MAGI2: variants seen among roughly 807,000 people sequenced by gnomAD.
MAGI2 encodes membrane associated guanylate kinase, WW and PDZ domain containing 2.
In MAGI2, 35 loss-of-function variants were observed where a neutral mutation model predicts 133.3. That is an observed-to-expected ratio of 0.26 (90% CI 0.20 to 0.35). MAGI2 has a LOEUF of 0.35. MAGI2 is among the 10% of genes least tolerant of loss of function. The probability of loss-of-function intolerance (pLI) is 1.00; values close to 1 mark genes in which losing one functional copy is unlikely to be tolerated. For missense variants in MAGI2, 1,636 were observed against 1,863.4 expected, an observed-to-expected ratio of 0.88 and a Z score of 2.25; for synonymous variants, 729 against 710.6, an observed-to-expected ratio of 1.03 and a Z score of -0.41.
chr7:79,316,341 A>G (rs1214424248), intron 1 of MAGI2, among the ~76,000 whole-genome samples: 1 of 152,206 alleles, frequency 6.6e-6, no homozygotes, highest in Non-Finnish European at 1.5e-5. Flanking sequence ...AATAGGAATA[A>G]CAACACCAGT....
intron 2 of MAGI2, among the ~76,000 whole-genome samples, chr7:78,638,975 T>A (rs1408354870): frequency 6.6e-6 from 1 of 152,166 alleles, no homozygotes; most frequent in Admixed American, 6.5e-5. Flanking sequence ...ATATTTAGTT[T>A]GAAGCTTTTA....
intron 21 of MAGI2, 44 bp downstream of exon 21, chr7:78,078,903 C>A (rs1389455624): frequency 6.2e-7 from 1 of 1,612,116 alleles, no homozygotes; most frequent in Non-Finnish European, 8.5e-7. Flanking sequence ...ATTTATGGTT[C>A]ACAGAAGGAA....
intron 20 of MAGI2, among the ~76,000 whole-genome samples, chr7:78,080,543 C>T (rs532670398): frequency 2.0e-5 from 3 of 152,186 alleles, no homozygotes; most frequent in Non-Finnish European, 4.4e-5. Context: ...AGCCCTCTCC[C>T]ACAACAGAAA....
At chr7:78,886,311 G>T (rs559023896) in intron 2 of MAGI2, among the ~76,000 whole-genome samples, 1 of 152,188 alleles carries the variant, frequency 6.6e-6, no homozygotes, top group Non-Finnish European at 1.5e-5. Flanking sequence ...TGTATTCATT[G>T]TCTCCTTTAA....
chr7:78,171,979 C>T (rs981379052), intron 14 of MAGI2, among the ~76,000 whole-genome samples: 1 of 152,134 alleles, frequency 6.6e-6, no homozygotes, highest in Admixed American at 6.5e-5. Context: ...AGAACTTCTC[C>T]ATGAACAACT....
intron 1 of MAGI2, among the ~76,000 whole-genome samples, chr7:79,311,910 G>A (rs1042289738): frequency 7.2e-5 from 11 of 151,980 alleles, no homozygotes; most frequent in Non-Finnish European, 1.2e-4. Context: ...TATCTGGTTC[G>A]TTAGCAAATC....
intron 1 of MAGI2, among the ~76,000 whole-genome samples, chr7:79,026,654 C>G (rs1205154618): frequency 6.6e-6 from 1 of 151,924 alleles, no homozygotes; most frequent in Non-Finnish European, 1.5e-5. Context: ...GAGCAGATTG[C>G]CTGAGCTCAG....
intron 2 of MAGI2, among the ~76,000 whole-genome samples, chr7:78,702,278 A>G (rs1818159716): frequency 6.6e-6 from 1 of 151,924 alleles, no homozygotes; most frequent in East Asian, 1.9e-4. Flanking sequence ...AGAGCAAGGT[A>G]TACATGCCAG....
intron 10 of MAGI2, among the ~76,000 whole-genome samples, chr7:78,206,444 A>G (rs1829753520): frequency 6.6e-6 from 1 of 152,038 alleles, no homozygotes; most frequent in Non-Finnish European, 1.5e-5. Context: ...GGTGTGTGCC[A>G]CCATGCCCAG....
chr7:79,154,821 G>T (rs1300766146), intron 1 of MAGI2, among the ~76,000 whole-genome samples: 1 of 152,126 alleles, frequency 6.6e-6, no homozygotes, highest in African/African-American at 2.4e-5. Context: ...ATGGTCTGCT[G>T]CTCTTTTACT....
chr7:78,467,023 A>G (rs141194626), intron 6 of MAGI2, among the ~76,000 whole-genome samples: 30 of 152,276 alleles, frequency 2.0e-4, no homozygotes, highest in Non-Finnish European at 2.9e-4. Context: ...GGTAGGCACT[A>G]TAAGTATTCA....
intron 6 of MAGI2, among the ~76,000 whole-genome samples, chr7:78,442,154 A>C (rs1405392967): frequency 6.6e-6 from 1 of 152,198 alleles, no homozygotes; most frequent in Non-Finnish European, 1.5e-5. Context: ...TCAAGGAAGC[A>C]GGACTCCATT....
chr7:79,116,289 C>A (rs942015163), intron 1 of MAGI2, among the ~76,000 whole-genome samples: 3 of 152,132 alleles, frequency 2.0e-5, no homozygotes, highest in African/African-American at 4.8e-5. Context: ...AGCAGAATAT[C>A]CAAGGTCCAT....
At chr7:78,428,993 G>T (rs1229688109) in intron 6 of MAGI2, among the ~76,000 whole-genome samples, 2 of 152,128 alleles carry the variant, frequency 1.3e-5, no homozygotes, top group Non-Finnish European at 2.9e-5. Flanking sequence ...CTAACAAAAA[G>T]TTAGTGACTA....
At chr7:78,413,821 C>T (rs1235134821) in intron 6 of MAGI2, among the ~76,000 whole-genome samples, 2 of 151,898 alleles carry the variant, frequency 1.3e-5, no homozygotes, top group Non-Finnish European at 2.9e-5. Flanking sequence ...GTTGCAATTC[C>T]AGAAGACGAA....
intron 1 of MAGI2, among the ~76,000 whole-genome samples, chr7:79,375,871 T>A (rs1843345217): frequency 6.6e-6 from 1 of 151,954 alleles, no homozygotes; most frequent in Admixed American, 6.6e-5. Flanking sequence ...TTTTTTCAAA[T>A]TAATTGAAGA....
At chr7:78,186,346 A>G (rs1004603230) in intron 12 of MAGI2, among the ~76,000 whole-genome samples, 2 of 152,094 alleles carry the variant, frequency 1.3e-5, no homozygotes, top group Non-Finnish European at 2.9e-5. Context: ...CTGGTTGCAT[A>G]CTGGGTTCTG....
intron 9 of MAGI2, among the ~76,000 whole-genome samples, chr7:78,305,180 C>A (rs557020488): frequency 1.3e-5 from 2 of 152,244 alleles, no homozygotes; most frequent in East Asian, 3.9e-4. Context: ...ACATGCCCCA[C>A]GTGTTTTGCC....
At chr7:78,735,292 A>G (rs1251577071) in intron 2 of MAGI2, among the ~76,000 whole-genome samples, 1 of 152,186 alleles carries the variant, frequency 6.6e-6, no homozygotes, top group African/African-American at 2.4e-5. Flanking sequence ...TGATGGCCTC[A>G]CATACAGACA....
Sources: allele counts gnomAD v4.1 joint callset (sites outside exome capture counted in the v4.1 genomes callset), GRCh38; gene constraint gnomAD v4.1.1; transcripts MANE v1.5; gene names NCBI Gene and HGNC (gene_info 2026-07-23, HGNC 2026-07-21).